The following GFM2 variants were observed in gnomAD, a reference collection of about 807,000 sequenced individuals.
The protein encoded by GFM2 is ribosome-releasing factor 2, mitochondrial.
GFM2 carries 72 observed loss-of-function variants against 95.4 expected under a neutral mutation model. The ratio of observed to expected loss-of-function variants is 0.76; its 90% confidence interval spans 0.62 to 0.92. The LOEUF (loss-of-function observed/expected upper bound fraction) is 0.92. GFM2 is among the 40% of genes least tolerant of loss of function. The pLI is 0.00. For missense variants in GFM2, 825 were observed against 924.1 expected, an observed-to-expected ratio of 0.89 and a Z score of 1.39; for synonymous variants, 276 against 317.5, an observed-to-expected ratio of 0.87 and a Z score of 1.39.
intron 15 of GFM2, 128 bp from the exon 16 acceptor site, chr5:74,733,226 C>A: frequency 4.7e-6 from 3 of 636,252 alleles, no homozygotes; most frequent in Non-Finnish European, 8.3e-6. Context: ...TGTGGTGACT[C>A]ACGTCTGTAA....
intron 16 of GFM2, among the ~76,000 whole-genome samples, chr5:74,731,426 CA>C (rs1742554788): frequency 6.6e-6 from 1 of 152,126 alleles, no homozygotes; most frequent in Non-Finnish European, 1.5e-5. Context: ...GATCAAGCCC[CA>C]ATAATAATTC....
At chr5:74,722,266 T>G (rs1749930666) in intron 20 of GFM2, 113 bp downstream of exon 20, 1 of 860,334 alleles carries the variant, frequency 1.2e-6, no homozygotes, top group African/African-American at 1.7e-5. Context: ...TTAACATGTA[T>G]TCTCTAAATC....
chr5:74,739,888 C>T (rs964347314), intron 12 of GFM2, 101 bp downstream of exon 12: 1 of 822,534 alleles, frequency 1.2e-6, no homozygotes, highest in Admixed American at 3.2e-5. Flanking sequence ...ACACTCACCA[C>T]TATTATTCAA....
chr5:74,758,039 C>G (rs1744089481), intron 5 of GFM2, among the ~76,000 whole-genome samples: 1 of 152,054 alleles, frequency 6.6e-6, no homozygotes, highest in Non-Finnish European at 1.5e-5. Flanking sequence ...ATACTTAACA[C>G]TACCAAAATA....
intron 19 of GFM2, 94 bp from the exon 20 acceptor site, chr5:74,722,655 TTAAC>T: frequency 1.0e-6 from 1 of 961,558 alleles, no homozygotes; most frequent in South Asian, 1.6e-5. Flanking sequence ...TAAGCTTGCT[TTAAC>T]TCTCTCTTTA....
At chr5:74,746,362 A>G (rs1743386961) in intron 8 of GFM2, among the ~76,000 whole-genome samples, 197 bp from the exon 9 acceptor site, 1 of 152,236 alleles carries the variant, frequency 6.6e-6, no homozygotes. Context: ...TCAATTTCAG[A>G]TATCAGTAAT....
At chr5:74,756,576 T>C (rs974757011) in intron 5 of GFM2, among the ~76,000 whole-genome samples, 3 of 152,162 alleles carry the variant, frequency 2.0e-5, no homozygotes, top group African/African-American at 4.8e-5. Flanking sequence ...AAATGGTAGT[T>C]CTACTTTTAG....
chr5:74,751,502 GA>G lies in GFM2; in HGVS notation c.305-10del, dbSNP rs1743710817. 2 of 1,602,098 alleles carry G rather than the reference GA, an allele frequency of 1.2e-6. No homozygotes were observed. The highest frequency in any genetic ancestry group is 8.5e-7 in the Non-Finnish European group (1 of 1,170,090). ...GTCTCCATCATCAACATCTAGCCAG[GA>G]AAAAGATGATACAGTTTAGTCTTAA... On this transcript the variant is annotated splice_polypyrimidine_tract_variant and intron_variant, in intron 5 of 20. Coordinates refer to ENST00000296805, the MANE Select transcript of GFM2 (RefSeq NM_032380.5).
chr5:74,730,623 TTTGATAGTTGAATTATCTGCTGGGCAAG>T, intron 16 of GFM2: 1 of 341,612 alleles, frequency 2.9e-6, no homozygotes, highest in Non-Finnish European at 5.3e-6. Flanking sequence ...CTCCTTCTTC[TTTGATAGTTGAATTATCTGCTGGGCAAG>T]TAGCATCTGG....
chr5:74,738,175 A>G (rs1742926377), intron 14 of GFM2, 143 bp downstream of exon 14: 2 of 637,396 alleles, frequency 3.1e-6, no homozygotes, highest in Non-Finnish European at 5.5e-6. Context: ...AGATTCAGCC[A>G]TGTTGACAAA....
rs965701121 is a variant in GFM2, at chr5:74,745,721, A to G, written c.806T>C (p.Leu269Ser). 1 of 1,613,260 alleles carries G rather than the reference A, an allele frequency of 6.2e-7. No homozygotes were observed. ...CCTTGCTTCAGTTGTTTCCTTCAGC[A>G]ATTCAGGATCATTCATTTCCAAGAG... ...KPLLEMNDPELLKETTEARNA... is the reference protein window; with the variant it reads ...KPLLEMNDPESLKETTEARNA... The change falls in exon 10 of 21, where the codon TTG (leucine) becomes TCG (serine). Residue 269 changes from leucine (L) to serine (S), a missense_variant. By Grantham distance (145) the Leu-to-Ser change is moderately radical. Transcript: ENST00000296805.
chr5:74,742,115 T>C (rs961442045), intron 10 of GFM2, among the ~76,000 whole-genome samples: 5 of 152,180 alleles, frequency 3.3e-5, no homozygotes, highest in Non-Finnish European at 2.9e-5. Context: ...AGGCAATATT[T>C]CAATAATAAA....
At chr5:74,745,040 T>C (rs572759634) in intron 10 of GFM2, among the ~76,000 whole-genome samples, 1 of 152,176 alleles carries the variant, frequency 6.6e-6, no homozygotes, top group South Asian at 2.1e-4. Context: ...TATGGTAAAC[T>C]AAAGAAAAGC....
chr5:74,746,154 G>T lies in GFM2; in HGVS notation c.620C>A (p.Ala207Glu). The change falls in exon 9 of 21, where the codon GCA becomes GAA. Residue 207 changes from alanine to glutamate, a missense_variant. Physicochemically the swap from Ala to Glu is moderately radical, Grantham distance 107 (BLOSUM62 -1). Coordinates refer to ENST00000296805, the MANE Select transcript of GFM2 (RefSeq NM_032380.5). ...TAACTTCTCTCTGATGCTTTCAACT[G>T]CATACTTAAAGCTGTAGAAAGCAAA... is the stretch of plus-strand genomic sequence containing the variant. Reference protein sequence around the residue: ...MDKTGASFKYAVESIREKLKA... With the variant: ...MDKTGASFKYEVESIREKLKA... 1.3e-6 allele frequency: 2 copies of T among 1,527,790 alleles called. No homozygotes were observed. Among genetic ancestry groups the T allele is most frequent in the East Asian group, 2.3e-5 (1 of 43,352 alleles). The allele number at this position is 1,527,790 out of a possible 1,614,324, so 94.6% of individuals were successfully genotyped here.
intron 1 of GFM2, chr5:74,765,129 C>A: frequency 8.2e-7 from 1 of 1,224,244 alleles, no homozygotes; most frequent in Non-Finnish European, 1.0e-6. Context: ...AGTTCAGGGC[C>A]TCATAGTCTC....
chr5:74,724,097 T>A (rs1025307323), intron 19 of GFM2, among the ~76,000 whole-genome samples: 1 of 152,130 alleles, frequency 6.6e-6, no homozygotes, highest in Non-Finnish European at 1.5e-5. Context: ...AGTGTTTTGT[T>A]TGAAGTAACG....
chr5:74,760,854 G>C, intron 3 of GFM2, 48 bp downstream of exon 3: 1 of 1,173,726 alleles, frequency 8.5e-7, no homozygotes, highest in Non-Finnish European at 1.3e-6. Flanking sequence ...AGAGAAAAGA[G>C]ATAAAGCAAA....
chr5:74,758,728 G>A, intron 5 of GFM2, 121 bp downstream of exon 5: 1 of 634,598 alleles, frequency 1.6e-6, no homozygotes, highest in East Asian at 2.7e-5. Context: ...TTTAAATTGT[G>A]GATTAGACAT....
At chr5:74,748,933 A>T (rs1024468083) in intron 7 of GFM2, among the ~76,000 whole-genome samples, 49 of 146,818 alleles carry the variant, frequency 3.3e-4, no homozygotes, top group African/African-American at 1.1e-3. Context: ...AAAATAAAAA[A>T]AATAAAAAAT....
Sources: gnomAD v4.1 joint callset for allele counts (sites outside exome capture counted in the v4.1 genomes callset) on GRCh38, gnomAD v4.1.1 for gene constraint, MANE v1.5 for transcripts, NCBI Gene and HGNC (gene_info 2026-07-23, HGNC 2026-07-21) for gene names.